The following MMD variants were observed in gnomAD, a reference collection of about 807,000 sequenced individuals.
The protein encoded by MMD is monocyte to macrophage differentiation factor.
In MMD, 22 loss-of-function variants were observed where a neutral mutation model predicts 33.6. That is an observed-to-expected ratio of 0.66 (90% CI 0.47 to 0.94). MMD has a LOEUF of 0.94. Among genes scored for constraint, MMD ranks in the 40% least tolerant of loss-of-function variants. The pLI, the probability that MMD is intolerant of heterozygous loss-of-function variation, is 0.00. For missense variants in MMD, 242 were observed against 309.8 expected, an observed-to-expected ratio of 0.78 and a Z score of 1.64; for synonymous variants, 97 against 103.2, an observed-to-expected ratio of 0.94 and a Z score of 0.36.
At chr17:55,408,773 G>C (rs1203224455) in intron 3 of MMD, among the ~76,000 whole-genome samples, 1 of 152,188 alleles carries the variant, frequency 6.6e-6, no homozygotes, top group Non-Finnish European at 1.5e-5. Flanking sequence ...GGCTGAGGCA[G>C]GTGGATCACT....
intron 5 of MMD, among the ~76,000 whole-genome samples, chr17:55,402,551 A>T (rs1330321508): frequency 1.3e-5 from 2 of 152,190 alleles, no homozygotes; most frequent in African/African-American, 4.8e-5. Flanking sequence ...GTACTCCCTA[A>T]TGTCTGCCAA....
intron 4 of MMD, 103 bp downstream of exon 4, chr17:55,407,643 A>C: frequency 1.0e-6 from 1 of 1,001,162 alleles, no homozygotes; most frequent in Non-Finnish European, 1.5e-6. Flanking sequence ...GGTGGTGTAC[A>C]CATGAGGGCT....
intron 2 of MMD, among the ~76,000 whole-genome samples, chr17:55,411,910 C>G (rs989925654): frequency 3.3e-5 from 5 of 152,052 alleles, no homozygotes; most frequent in African/African-American, 1.2e-4. Flanking sequence ...GACTCTGTAT[C>G]TACAAAAATT....
intron 5 of MMD, among the ~76,000 whole-genome samples, chr17:55,402,340 T>C (rs1330374264): frequency 6.6e-6 from 1 of 152,168 alleles, no homozygotes; most frequent in Non-Finnish European, 1.5e-5. Context: ...TGTCTCTTTA[T>C]TTTGCACCTG....
In MMD at chr17:55,401,538, T is replaced by G; in HGVS notation, c.447A>C (p.Lys149Asn). 6.2e-7 allele frequency: 1 copy of G among 1,607,838 alleles called. No homozygotes were observed. The highest frequency in any genetic ancestry group is 8.5e-7 in the Non-Finnish European group (1 of 1,177,416). ...AGAAAAAGAGTTCAACCACCTTATA[T>G]CTGCAGGAACAAAAATGCAGTTAAT... Reference protein sequence around the residue: ...GTIYVFLYHEKYKVVELFFYL... With the variant: ...GTIYVFLYHENYKVVELFFYL... The change falls in exon 6 of 7, where the codon AAA (lysine) becomes AAC (asparagine). Residue 149 changes from lysine (K) to asparagine (N), a missense_variant and splice_region_variant. Physicochemically the swap from Lys to Asn is moderately conservative, Grantham distance 94 (BLOSUM62 0). Coordinates refer to ENST00000262065, the MANE Select transcript of MMD (RefSeq NM_012329.3).
At chr17:55,402,348 C>T (rs1466876793) in intron 5 of MMD, among the ~76,000 whole-genome samples, 1 of 152,048 alleles carries the variant, frequency 6.6e-6, no homozygotes, top group African/African-American at 2.4e-5. Context: ...TATTTTGCAC[C>T]TGCACAAACT....
chr17:55,409,872 T>A (rs1567849759), intron 3 of MMD, among the ~76,000 whole-genome samples: 1 of 152,286 alleles, frequency 6.6e-6, no homozygotes, highest in East Asian at 1.9e-4. Flanking sequence ...GTACTTTGCA[T>A]CTAAACTGGC....
intron 1 of MMD, among the ~76,000 whole-genome samples, chr17:55,419,589 A>C (rs1206181509): frequency 2.2e-5 from 3 of 133,852 alleles, no homozygotes; most frequent in Non-Finnish European, 5.2e-5. Context: ...ACACAGCATT[A>C]AAAGATGCAG....
intron 1 of MMD, among the ~76,000 whole-genome samples, chr17:55,415,292 T>G (rs955247535): frequency 4.0e-5 from 6 of 150,954 alleles, no homozygotes; most frequent in African/African-American, 1.5e-4. Context: ...AAAAAAAAAA[T>G]TTCAACAGCA....
intron 4 of MMD, chr17:55,404,775 G>A (rs914419323): frequency 6.1e-6 from 6 of 984,856 alleles, no homozygotes; most frequent in Non-Finnish European, 7.2e-6. Context: ...AAGAATACAT[G>A]AGAAGTTCAG....
At chr17:55,416,074 G>A (rs928343593) in intron 1 of MMD, among the ~76,000 whole-genome samples, 8 of 152,166 alleles carry the variant, frequency 5.3e-5, no homozygotes, top group African/African-American at 1.7e-4. Context: ...ATTGTCCTGA[G>A]ACATAACAAC....
intron 6 of MMD, among the ~76,000 whole-genome samples, chr17:55,397,003 C>T (rs1907126569): frequency 6.6e-6 from 1 of 152,072 alleles, no homozygotes; most frequent in Admixed American, 6.5e-5. Flanking sequence ...AGGTTAAGAC[C>T]CTTAAAACAA....
At chr17:55,404,275 A>G (rs1250490365) in intron 4 of MMD, among the ~76,000 whole-genome samples, 3 of 151,966 alleles carry the variant, frequency 2.0e-5, no homozygotes, top group Non-Finnish European at 4.4e-5. Context: ...GAATTGCTTG[A>G]GCCCGGGAGG....
At chr17:55,407,924 A>C in intron 3 of MMD, 104 bp from the exon 4 acceptor site, 51 of 759,814 alleles carry the variant, frequency 6.7e-5, no homozygotes, top group Non-Finnish European at 7.3e-5. Context: ...TCTAGTTCTC[A>C]TGGCCTTTAC....
At chr17:55,401,623 T>C in intron 5 of MMD, 85 bp from the exon 6 acceptor site, 1 of 1,167,526 alleles carries the variant, frequency 8.6e-7, no homozygotes, top group Non-Finnish European at 1.2e-6. Context: ...CTTTTTACTT[T>C]TGAGAAAGAA....
intron 3 of MMD, among the ~76,000 whole-genome samples, chr17:55,408,206 C>T (rs891444644): frequency 3.3e-5 from 5 of 152,158 alleles, no homozygotes; most frequent in Non-Finnish European, 7.3e-5. Context: ...CCGCAACCTG[C>T]CCCAGCTCCT....
intron 4 of MMD, 102 bp from the exon 5 acceptor site, chr17:55,403,970 G>T: frequency 1.1e-6 from 1 of 916,036 alleles, no homozygotes; most frequent in Middle Eastern, 2.2e-4. Context: ...ATAAGAGCAG[G>T]AAGAAAACAC....
At chr17:55,397,399 G>T (rs1907142371) in intron 6 of MMD, among the ~76,000 whole-genome samples, 1 of 152,116 alleles carries the variant, frequency 6.6e-6, no homozygotes, top group Admixed American at 6.5e-5. Context: ...GACCTCAAGT[G>T]ATCTGCCTGC....
chr17:55,401,972 G>A (rs1329882183), intron 5 of MMD, among the ~76,000 whole-genome samples: 1 of 147,890 alleles, frequency 6.8e-6, no homozygotes, highest in Non-Finnish European at 1.5e-5. Flanking sequence ...GGGGAGATGA[G>A]GCAGGAGAAT....
Sources: allele counts gnomAD v4.1 joint callset (sites outside exome capture counted in the v4.1 genomes callset), GRCh38; gene constraint gnomAD v4.1.1; transcripts MANE v1.5; gene names NCBI Gene and HGNC (gene_info 2026-07-23, HGNC 2026-07-21).